Variants in BBS9 observed in about 807,000 individuals in gnomAD.
The protein encoded by BBS9 is protein PTHB1.
Under a neutral mutation model 117.7 loss-of-function variants are expected in BBS9, and 89 were observed. That is an observed-to-expected ratio of 0.76 (90% confidence interval 0.64 to 0.90). The LOEUF is 0.90. BBS9 is among the 40% of genes least tolerant of loss of function. The probability of loss-of-function intolerance (pLI) is 0.00; values close to 1 mark genes in which losing one functional copy is unlikely to be tolerated. For missense variants in BBS9, 982 were observed against 1,042.2 expected (o/e 0.94, Z 0.80); for synonymous variants, 379 against 370.9 (o/e 1.02, Z -0.25).
intron 19 of BBS9, among the ~76,000 whole-genome samples, chr7:33,459,476 A>G (rs1340538883): frequency 1.3e-5 from 2 of 149,986 alleles, no homozygotes; most frequent in African/African-American, 5.1e-5. Context: ...AAATGTCCAC[A>G]GGGCTGAGGT....
At chr7:33,167,077 C>CT (rs1204535472) in intron 4 of BBS9, among the ~76,000 whole-genome samples, 1 of 152,206 alleles carries the variant, frequency 6.6e-6, no homozygotes, top group East Asian at 1.9e-4. Flanking sequence ...GAATGCAGAG[C>CT]TTTTAATAAC....
intron 17 of BBS9, among the ~76,000 whole-genome samples, chr7:33,373,627 G>A (rs1458236103): frequency 6.6e-6 from 1 of 152,180 alleles, no homozygotes; most frequent in Non-Finnish European, 1.5e-5. Flanking sequence ...GAGCATTTTG[G>A]ATAAAGTATA....
chr7:33,528,439 C>T (rs749446419), intron 20 of BBS9, among the ~76,000 whole-genome samples: 3 of 151,770 alleles, frequency 2.0e-5, no homozygotes, highest in African/African-American at 2.4e-5. Context: ...TTCCCTATAC[C>T]ACTGTAGTTA....
intron 5 of BBS9, among the ~76,000 whole-genome samples, chr7:33,242,439 G>A (rs1462226133): frequency 6.6e-6 from 1 of 152,082 alleles, no homozygotes; most frequent in Non-Finnish European, 1.5e-5. Context: ...CAGGAAAACT[G>A]AAGCTTATGG....
chr7:33,266,807 A>G (rs970681432), intron 7 of BBS9, among the ~76,000 whole-genome samples: 2 of 152,038 alleles, frequency 1.3e-5, no homozygotes, highest in African/African-American at 4.8e-5. Context: ...TAGTGGCACA[A>G]TCTTGGCTCA....
chr7:33,428,454 T>C (rs1350616504), intron 19 of BBS9, among the ~76,000 whole-genome samples: 1 of 152,154 alleles, frequency 6.6e-6, no homozygotes, highest in Non-Finnish European at 1.5e-5. Context: ...GTTTTATGGG[T>C]TTCCAGAACT....
Position 33,429,720 on chromosome 7 carries a change from T to A in BBS9, c.2115+41576T>A, listed in dbSNP as rs1447644804. Among the ~76,000 whole-genome samples, 5 of 152,192 alleles carry A rather than the reference T, an allele frequency of 3.3e-5. No homozygotes were observed. In the South Asian group the frequency reaches 1.0e-3, roughly 32 times the overall value. On this transcript the variant is annotated intron_variant, in intron 19 of 22. Transcript: ENST00000242067. ...CATAGCACAGTACCTAAAAGGTAGA[T>A]GGTTGACTAATGAATGCCTTTATTA...
At chr7:33,566,669 A>AT (rs1043667936) in intron 21 of BBS9, among the ~76,000 whole-genome samples, 1 of 151,942 alleles carries the variant, frequency 6.6e-6, no homozygotes, top group Non-Finnish European at 1.5e-5. Context: ...CTACCTTTTT[A>AT]TTTTTTTAAC....
chr7:33,336,441 T>G lies in BBS9; in HGVS notation c.1017T>G (p.His339Gln), dbSNP rs1815363296. 1 of 1,612,356 alleles carries G rather than the reference T, an allele frequency of 6.2e-7. No homozygotes were observed. The highest frequency in any genetic ancestry group is 8.5e-7 in the Non-Finnish European group (1 of 1,178,614). The change falls in exon 10 of 23, where the codon CAT becomes CAG. Residue 339 changes from histidine to glutamine, a missense_variant and splice_region_variant. Physicochemically the swap from His to Gln is conservative, Grantham distance 24. Transcript: ENST00000242067. ...TCTCATTTTCTCTTCCTTATTGTAG[T>G]GATTTAAAGGGAGTGATAGTCACTC... ...IPVAVRVGCL[H>Q]DLKGVIVTLS... is the part of the protein sequence containing the mutation.
At chr7:33,619,680 A>G (rs896428509) in intron 21 of BBS9, among the ~76,000 whole-genome samples, 2 of 152,190 alleles carry the variant, frequency 1.3e-5, no homozygotes, top group African/African-American at 4.8e-5. Context: ...CAATGCTATG[A>G]AACTATAATA....
chr7:33,162,246 A>G lies in BBS9; in HGVS notation c.328+6544A>G, dbSNP rs140300876. On this transcript the variant is annotated intron_variant, in intron 4 of 22. Coordinates refer to ENST00000242067, the MANE Select transcript of BBS9 (RefSeq NM_198428.3). ...TGTATAAGGTGTAAGGAAGGGATCC[A>G]GTTTCAGCTTTCTACATATGGCTAG... Among the ~76,000 whole-genome samples the G allele has an allele frequency of 4.2e-3, 642 of 152,338 alleles. 2 individuals carry two copies. Among genetic ancestry groups the G allele is most frequent in the African/African-American group, 0.015 (625 of 41,582 alleles).
At chr7:33,316,948 C>T (rs1299406858) in intron 9 of BBS9, among the ~76,000 whole-genome samples, 2 of 152,160 alleles carry the variant, frequency 1.3e-5, no homozygotes, top group African/African-American at 2.4e-5. Flanking sequence ...TTATCTATTA[C>T]AGGTCATCAG....
At chr7:33,344,799 TACTTGCA>T (rs1451402749) in intron 12 of BBS9, among the ~76,000 whole-genome samples, 165 bp downstream of exon 12, 2 of 152,248 alleles carry the variant, frequency 1.3e-5, no homozygotes, top group African/African-American at 4.8e-5. Context: ...CCTTTACTGT[TACTTGCA>T]AATATAAAAC....
chr7:33,546,830 C>G (rs935844764), intron 21 of BBS9, among the ~76,000 whole-genome samples: 2 of 152,182 alleles, frequency 1.3e-5, no homozygotes, highest in Admixed American at 1.3e-4. Context: ...GCTCCCTGGT[C>G]CCCTGAGCAT....
chr7:33,148,903 C>G (rs924029409), intron 2 of BBS9, among the ~76,000 whole-genome samples: 1 of 152,250 alleles, frequency 6.6e-6, no homozygotes, highest in South Asian at 2.1e-4. Flanking sequence ...GGATTATTGG[C>G]GTGAGCCACT....
At chr7:33,524,856 G>C (rs377018020) in intron 20 of BBS9, among the ~76,000 whole-genome samples, 21,727 of 151,934 alleles carry the variant, frequency 0.14, 1,877 homozygotes, top group African/African-American at 0.24. Flanking sequence ...GTCAATTTTG[G>C]ATCTTTCCTG....
chr7:33,590,762 A>T (rs1360053604), intron 21 of BBS9, among the ~76,000 whole-genome samples: 1 of 151,724 alleles, frequency 6.6e-6, no homozygotes, highest in Admixed American at 6.6e-5. Context: ...TACTCACTTA[A>T]TCTTTACAAT....
intron 21 of BBS9, among the ~76,000 whole-genome samples, chr7:33,555,690 G>A (rs1279014791): frequency 6.6e-6 from 1 of 152,122 alleles, no homozygotes; most frequent in Non-Finnish European, 1.5e-5. Flanking sequence ...GGTTCTAGTT[G>A]GCCAATGTGT....
At chr7:33,193,424 T>A (rs866194168) in intron 5 of BBS9, among the ~76,000 whole-genome samples, 1 of 136,980 alleles carries the variant, frequency 7.3e-6, no homozygotes, top group African/African-American at 2.7e-5. Flanking sequence ...CTCTCTGCCT[T>A]TTTTTTTTTT....
Sources: allele counts gnomAD v4.1 joint callset (sites outside exome capture counted in the v4.1 genomes callset), GRCh38; gene constraint gnomAD v4.1.1; transcripts MANE v1.5; gene names NCBI Gene and HGNC (gene_info 2026-07-23, HGNC 2026-07-21).